MFHAS1: variants seen among roughly 807,000 people sequenced by gnomAD.
MFHAS1 encodes malignant fibrous histiocytoma-amplified sequence 1.
In MFHAS1, 50 loss-of-function variants were observed where a neutral mutation model predicts 70.4. That is an observed-to-expected ratio of 0.71 (90% CI 0.57 to 0.90). The LOEUF is 0.90. Among genes scored for constraint, MFHAS1 ranks in the 40% least tolerant of loss-of-function variants. The pLI, the probability that MFHAS1 is intolerant of heterozygous loss-of-function variation, is 0.00. For synonymous variants in MFHAS1, 952 were observed against 620.0 expected, an observed-to-expected ratio of 1.54 and a Z score of -7.96; for missense variants, 1,795 against 1,347.6, an observed-to-expected ratio of 1.33 and a Z score of -5.20.
At chr8:8,878,995 G>A (rs565024233) in intron 1 of MFHAS1, among the ~76,000 whole-genome samples, 32 of 152,252 alleles carry the variant, frequency 2.1e-4, no homozygotes, top group African/African-American at 7.7e-4. Flanking sequence ...TTGGTGTTCA[G>A]AAATGACTGA....
At chr8:8,810,564 T>C (rs1806508114) in intron 1 of MFHAS1, among the ~76,000 whole-genome samples, 1 of 152,210 alleles carries the variant, frequency 6.6e-6, no homozygotes, top group Non-Finnish European at 1.5e-5. Context: ...CCACTTCCAC[T>C]GAACAGTAAA....
At chr8:8,857,362 T>A (rs1563206702) in intron 1 of MFHAS1, among the ~76,000 whole-genome samples, 1 of 152,142 alleles carries the variant, frequency 6.6e-6, no homozygotes, top group Non-Finnish European at 1.5e-5. Flanking sequence ...CAGGCCAAAA[T>A]ATGCCAAATT....
chr8:8,808,169 C>T (rs1298301100), intron 1 of MFHAS1, among the ~76,000 whole-genome samples: 4 of 151,850 alleles, frequency 2.6e-5, no homozygotes, highest in African/African-American at 9.7e-5. Context: ...ACACTGTAGA[C>T]TCTCCCCTGG....
chr8:8,874,331 T>TAC (rs35271686), intron 1 of MFHAS1, among the ~76,000 whole-genome samples: 383 of 144,798 alleles, frequency 2.6e-3, no homozygotes, highest in African/African-American at 4.8e-3. Flanking sequence ...TATAACATTC[T>TAC]ACACACACAC....
At chr8:8,834,170 A>C (rs142753622) in intron 1 of MFHAS1, among the ~76,000 whole-genome samples, 1 of 152,280 alleles carries the variant, frequency 6.6e-6, no homozygotes, top group Non-Finnish European at 1.5e-5. Context: ...AACAAAAAAC[A>C]GGAACAGACT....
chr8:8,840,749 C>T (rs143829678), intron 1 of MFHAS1, among the ~76,000 whole-genome samples: 12 of 152,322 alleles, frequency 7.9e-5, no homozygotes, highest in Non-Finnish European at 1.3e-4. Flanking sequence ...TCTCACACCT[C>T]ACTACACTTC....
At chr8:8,834,269 T>C (rs1346126876) in intron 1 of MFHAS1, among the ~76,000 whole-genome samples, 1 of 152,160 alleles carries the variant, frequency 6.6e-6, no homozygotes, top group Non-Finnish European at 1.5e-5. Context: ...CGGAGTGACA[T>C]CATAGCCGCC....
intron 1 of MFHAS1, among the ~76,000 whole-genome samples, chr8:8,884,242 T>C (rs1809662844): frequency 6.6e-6 from 1 of 152,210 alleles, no homozygotes; most frequent in African/African-American, 2.4e-5. Context: ...AGAACTCTAT[T>C]CTGCACAGTA....
chr8:8,863,761 G>C (rs1428640535), intron 1 of MFHAS1, among the ~76,000 whole-genome samples: 1 of 152,050 alleles, frequency 6.6e-6, no homozygotes, highest in Non-Finnish European at 1.5e-5. Context: ...TCATCTCACA[G>C]AACTAATCTA....
intron 1 of MFHAS1, among the ~76,000 whole-genome samples, chr8:8,820,233 G>C (rs1806902780): frequency 6.6e-6 from 1 of 151,692 alleles, no homozygotes; most frequent in Non-Finnish European, 1.5e-5. Flanking sequence ...CCCAGAGTTA[G>C]ACTGCTATGC....
In MFHAS1 at chr8:8,786,156, G is replaced by T; in HGVS notation, c.3126-101C>A. 6.2e-6 allele frequency: 7 copies of T among 1,131,136 alleles called. No individual in the cohort carries two copies. In the East Asian group the frequency reaches 9.5e-5, roughly 15 times the overall value. 70.1% of individuals were successfully genotyped at this position (1,131,136 alleles called of 1,614,324 possible). A position where few individuals can be genotyped will look rare whatever the true frequency, so the allele number is the denominator to read the frequency against. ...AAGTGATGATAGAAATCTATTTTCTGCACATATTTTCATTTCTACTTCCAG... is the reference window on the plus strand; with the variant it reads ...AAGTGATGATAGAAATCTATTTTCTTCACATATTTTCATTTCTACTTCCAG... On this transcript the variant is annotated intron_variant, in intron 2 of 2. Coordinates refer to ENST00000276282, the MANE Select transcript of MFHAS1 (RefSeq NM_004225.3).
chr8:8,868,563 A>T (rs1021210040), intron 1 of MFHAS1, among the ~76,000 whole-genome samples: 10 of 151,922 alleles, frequency 6.6e-5, no homozygotes, highest in Non-Finnish European at 1.2e-4. Flanking sequence ...AGCTACTCCC[A>T]ACTACTCGGA....
At chr8:8,810,068 A>G (rs2117280899) in intron 1 of MFHAS1, among the ~76,000 whole-genome samples, 1 of 152,352 alleles carries the variant, frequency 6.6e-6, no homozygotes, top group Non-Finnish European at 1.5e-5. Context: ...GAAGTCCTTA[A>G]TAATGATCAG....
chr8:8,791,124 C>CAT (rs1563174911), intron 2 of MFHAS1, among the ~76,000 whole-genome samples: 8 of 128,432 alleles, frequency 6.2e-5, no homozygotes, highest in African/African-American at 2.8e-4. Context: ...CCACCCCACC[C>CAT]GTTTTTTTTT....
intron 1 of MFHAS1, among the ~76,000 whole-genome samples, chr8:8,870,575 G>A (rs1809038186): frequency 6.6e-6 from 1 of 152,150 alleles, no homozygotes; most frequent in African/African-American, 2.4e-5. Flanking sequence ...CACGTCAGGG[G>A]CCCTGGTTTT....
intron 1 of MFHAS1, among the ~76,000 whole-genome samples, chr8:8,867,977 G>C (rs555517443): frequency 6.6e-6 from 1 of 152,114 alleles, no homozygotes; most frequent in Non-Finnish European, 1.5e-5. Context: ...AATGGAACTC[G>C]AGTTTTTCCA....
chr8:8,842,049 T>C (rs1471770077), intron 1 of MFHAS1, among the ~76,000 whole-genome samples: 1 of 152,278 alleles, frequency 6.6e-6, no homozygotes, highest in East Asian at 1.9e-4. Flanking sequence ...GGAGGCTGAG[T>C]GCCAACAAGG....
chr8:8,783,694 G>A lies in MFHAS1; in HGVS notation c.*2328C>T, dbSNP rs565968813. 3.9e-5 allele frequency: 6 copies of A among 152,232 alleles called. No individual in the cohort carries two copies. The highest frequency in any genetic ancestry group is 3.3e-4 in the Admixed American group (5 of 15,284). 9.4% of individuals were successfully genotyped at this position (152,232 alleles called of 1,614,324 possible). A position where few individuals can be genotyped will look rare whatever the true frequency, so the allele number is the denominator to read the frequency against. On this transcript the variant is annotated 3_prime_UTR_variant, in exon 3 of 3. Transcript: ENST00000276282. ...GGAGGGCATTTGTTTGAGAGGCAAG[G>A]GACGCCTTGCTTAGAAAACATTCCT... is the stretch of plus-strand genomic sequence containing the variant.
chr8:8,883,404 T>C (rs949088552), intron 1 of MFHAS1, among the ~76,000 whole-genome samples: 2 of 152,006 alleles, frequency 1.3e-5, no homozygotes, highest in African/African-American at 4.8e-5. Flanking sequence ...TCAGGTGTCC[T>C]TAATCAAAAA....
Sources: gnomAD v4.1 joint callset for allele counts (sites outside exome capture counted in the v4.1 genomes callset) on GRCh38, gnomAD v4.1.1 for gene constraint, MANE v1.5 for transcripts, NCBI Gene and HGNC (gene_info 2026-07-23, HGNC 2026-07-21) for gene names.